Variants in BCAS3 observed in about 807,000 individuals in gnomAD.
BCAS3 encodes the protein BCAS4/BCAS3 fusion.
BCAS3 carries 53 observed loss-of-function variants against 116.1 expected under a neutral mutation model. That is an observed-to-expected ratio of 0.46 (90% CI 0.37 to 0.57). The LOEUF is 0.57. BCAS3 is among the 20% of genes least tolerant of loss of function. The pLI, the probability that BCAS3 is intolerant of heterozygous loss-of-function variation, is 0.00. For missense variants in BCAS3, 917 were observed against 1,165.4 expected (o/e 0.79, Z 3.10); for synonymous variants, 391 against 408.2 (o/e 0.96, Z 0.51).
intron 22 of BCAS3, among the ~76,000 whole-genome samples, chr17:61,176,153 A>G (rs1026103618): frequency 4.0e-5 from 6 of 150,102 alleles, no homozygotes; most frequent in Middle Eastern, 3.5e-3. Flanking sequence ...AAAAAAAAAA[A>G]AAAAAAAAGA....
chr17:61,268,231 A>G (rs1313559269), intron 22 of BCAS3, among the ~76,000 whole-genome samples: 10 of 152,222 alleles, frequency 6.6e-5, no homozygotes, highest in Admixed American at 1.3e-4. Context: ...TTAATAAGAC[A>G]TAGACTCTGT....
At chr17:60,864,640 A>G (rs1161204333) in intron 7 of BCAS3, among the ~76,000 whole-genome samples, 1 of 152,176 alleles carries the variant, frequency 6.6e-6, no homozygotes, top group Non-Finnish European at 1.5e-5. Context: ...TCATGTGTTC[A>G]CTGGAGTAGC....
In BCAS3 at chr17:61,122,946, T is replaced by G. The variant is rs1192224761; in HGVS notation, c.2425+38382T>G. On this transcript the variant is annotated intron_variant, in intron 22 of 23. Coordinates refer to ENST00000407086, the MANE Select transcript of BCAS3 (RefSeq NM_017679.5). The surrounding 1 kb of genome is among the most constrained non-coding windows in gnomAD (Gnocchi z 4.6). The stretch of plus-strand genomic sequence containing the variant: ...GATTCCACATTATGGGTAAGTCTTT[T>G]TTTTTTTTTTTTGAGATGGAGTTTT... Among the ~76,000 whole-genome samples the G allele has an allele frequency of 6.6e-6, 1 of 151,580 alleles. No homozygotes were observed. The highest frequency in any genetic ancestry group is 2.4e-5 in the African/African-American group (1 of 41,310).
chr17:60,744,121 G>A (rs139985162), intron 5 of BCAS3, among the ~76,000 whole-genome samples: 1 of 152,112 alleles, frequency 6.6e-6, no homozygotes, highest in African/African-American at 2.4e-5. Context: ...CTCCCTGTTC[G>A]CTCTTCTCCC....
intron 6 of BCAS3, among the ~76,000 whole-genome samples, chr17:60,805,752 T>G (rs1046712324): frequency 6.6e-6 from 1 of 150,532 alleles, no homozygotes. Flanking sequence ...AGCTCGAACC[T>G]GGGAGGCGGA....
At chr17:60,948,595 C>G (rs1161894836) in intron 14 of BCAS3, among the ~76,000 whole-genome samples, 1 of 152,148 alleles carries the variant, frequency 6.6e-6, no homozygotes, top group Non-Finnish European at 1.5e-5. Context: ...ATTGACTAGC[C>G]TATCATTTTC....
chr17:61,128,616 A>G lies in BCAS3; in HGVS notation c.2425+44052A>G. On this transcript the variant is annotated intron_variant, in intron 22 of 23. Transcript: ENST00000407086. The surrounding 1 kb of genome is among the most constrained non-coding windows in gnomAD (Gnocchi z 4.1). ...AGTATGGAGAGAGAGAAAGCAAGTA[A>G]CCCAGCAGAGTTTGTGACAGAAACT... 1.0e-6 allele frequency: 1 copy of G among 983,326 alleles called. No homozygotes were observed. The highest frequency in any genetic ancestry group is 1.2e-6 in the Non-Finnish European group (1 of 827,966). The allele number at this position is 983,326 out of a possible 1,614,324, so 60.9% of individuals were successfully genotyped here.
At chr17:60,837,762 T>A (rs1284379517) in intron 7 of BCAS3, among the ~76,000 whole-genome samples, 3 of 151,764 alleles carry the variant, frequency 2.0e-5, no homozygotes, top group Non-Finnish European at 4.4e-5. Flanking sequence ...CAGGTGATTC[T>A]CCTGCCTTGG....
chr17:61,341,522 C>T (rs1378090114), intron 22 of BCAS3, among the ~76,000 whole-genome samples: 1 of 152,186 alleles, frequency 6.6e-6, no homozygotes, highest in Non-Finnish European at 1.5e-5. Context: ...CTGGTGGAGC[C>T]GGAACACTGG....
chr17:61,329,685 A>G (rs1344084333), intron 22 of BCAS3, among the ~76,000 whole-genome samples: 3 of 152,076 alleles, frequency 2.0e-5, no homozygotes, highest in Non-Finnish European at 4.4e-5. Context: ...AAGACTTTTG[A>G]AGAGAACAGA....
chr17:61,231,928 C>T (rs2144439448), intron 22 of BCAS3, among the ~76,000 whole-genome samples: 1 of 150,380 alleles, frequency 6.6e-6, no homozygotes, highest in African/African-American at 2.4e-5. Flanking sequence ...GAAAAGAGGC[C>T]TGACACAGTG....
At chr17:61,184,493 T>C (rs1051680199) in intron 22 of BCAS3, among the ~76,000 whole-genome samples, 7 of 152,188 alleles carry the variant, frequency 4.6e-5, no homozygotes, top group African/African-American at 1.7e-4. Flanking sequence ...ACTCTTACAC[T>C]GTACATTGTT....
intron 23 of BCAS3, chr17:61,383,574 G>T (rs9914215): frequency 0.74 from 112,860 of 152,454 alleles, 47,399 homozygotes; most frequent in Non-Finnish European, 0.92. Flanking sequence ...TGGAACACGG[G>T]GGTGGGGGAG....
At chr17:60,678,380 A>G (rs2032352563) in intron 1 of BCAS3, among the ~76,000 whole-genome samples, 1 of 152,120 alleles carries the variant, frequency 6.6e-6, no homozygotes, top group African/African-American at 2.4e-5. Context: ...TCCCTACTTA[A>G]AAATGGTTTT....
chr17:60,736,373 ACGGTGTT>A (rs2040961225), intron 5 of BCAS3, among the ~76,000 whole-genome samples: 1 of 150,656 alleles, frequency 6.6e-6, no homozygotes, highest in African/African-American at 2.4e-5. Flanking sequence ...TTTATTAGAG[ACGGTGTT>A]TCTCCATGTT....
chr17:61,330,666 C>T lies in BCAS3; in HGVS notation c.2426-37661C>T, dbSNP rs113520216. 8.0e-3 allele frequency among the ~76,000 whole-genome samples: 1,215 copies of T among 152,362 alleles called. 14 individuals are homozygous for T. The highest frequency in any genetic ancestry group is 0.013 in the Non-Finnish European group (893 of 68,034). The stretch of plus-strand genomic sequence containing the variant: ...GGCCCCCAGGAGTCCCCCTGCCCAT[C>T]TGGCTATTCCTCAGAAACACACACC... On this transcript the variant is annotated intron_variant, in intron 22 of 23. Coordinates refer to ENST00000407086, the MANE Select transcript of BCAS3 (RefSeq NM_017679.5).
chr17:60,736,431 C>T (rs566361031), intron 5 of BCAS3, among the ~76,000 whole-genome samples: 1 of 152,034 alleles, frequency 6.6e-6, no homozygotes, highest in East Asian at 1.9e-4. Flanking sequence ...AGTGATCCAC[C>T]CACGTCAGCC....
intron 22 of BCAS3, among the ~76,000 whole-genome samples, chr17:61,107,760 T>C (rs969410473): frequency 3.9e-5 from 6 of 152,212 alleles, no homozygotes; most frequent in Non-Finnish European, 7.3e-5. Context: ...TATTCACCTA[T>C]TATACAACAT....
chr17:61,260,120 T>C (rs2144583281), intron 22 of BCAS3, among the ~76,000 whole-genome samples: 1 of 152,372 alleles, frequency 6.6e-6, no homozygotes, highest in Non-Finnish European at 1.5e-5. Flanking sequence ...AAGTCAAGAC[T>C]TAACTTCAAA....
Sources: gnomAD v4.1 joint callset for allele counts (sites outside exome capture counted in the v4.1 genomes callset) on GRCh38, gnomAD v4.1.1 for gene constraint, Gnocchi (gnomAD v3.1) non-coding constraint, MANE v1.5 for transcripts, NCBI Gene and HGNC (gene_info 2026-07-23, HGNC 2026-07-21) for gene names.